Variants in FUT8 observed in about 807,000 individuals in gnomAD.
The protein encoded by FUT8 is fucosyltransferase 8, also known as alpha-(1,6)-fucosyltransferase.
A neutral mutation model predicts 71.3 loss-of-function variants in FUT8; 29 were observed. That is an observed-to-expected ratio of 0.41 (90% CI 0.30 to 0.55). The LOEUF (loss-of-function observed/expected upper bound fraction) is 0.55, where lower values mean the gene tolerates loss of function less well. FUT8 is among the 20% of genes least tolerant of loss of function. The pLI is 0.34. For synonymous variants in FUT8, 254 were observed against 239.3 expected (o/e 1.06, Z -0.57); for missense variants, 544 against 702.1 (o/e 0.77, Z 2.55).
chr14:65,618,031 A>ATG (rs1889384613), intron 5 of FUT8, among the ~76,000 whole-genome samples: 3 of 90,396 alleles, frequency 3.3e-5, no homozygotes, highest in African/African-American at 1.3e-4. Flanking sequence ...ATATATATAT[A>ATG]TATATATATA....
At position 65,633,821 on chromosome 14, in the gene FUT8, C is replaced by T. The variant is rs561205423; in HGVS notation, c.597+4215C>T. On this transcript the variant is annotated intron_variant, in intron 6 of 10. Transcript: ENST00000673929. ...CTGAGAAGTGAGGAGCGTCTCCGCC[C>T]GGCAGCCACCCTGTCCGGGAGGGAG... Among the ~76,000 whole-genome samples the T allele has an allele frequency of 1.5e-4, 23 of 152,062 alleles. No homozygotes were observed. The East Asian group carries it at 2.7e-3, about 18-fold the overall frequency.
intron 3 of FUT8, among the ~76,000 whole-genome samples, chr14:65,564,099 G>A (rs764820755): frequency 6.6e-6 from 1 of 151,998 alleles, no homozygotes; most frequent in Admixed American, 6.6e-5. Flanking sequence ...AAGGGATGTC[G>A]TTTTAGAGCC....
intron 9 of FUT8, among the ~76,000 whole-genome samples, chr14:65,726,579 G>A (rs549247750): frequency 9.2e-5 from 14 of 152,220 alleles, no homozygotes; most frequent in African/African-American, 3.1e-4. Flanking sequence ...ATTTGCCCCC[G>A]TGATTCAATT....
chr14:65,577,386 C>T (rs1555372673), intron 3 of FUT8, among the ~76,000 whole-genome samples: 2 of 152,070 alleles, frequency 1.3e-5, no homozygotes, highest in Non-Finnish European at 2.9e-5. Context: ...CGACCACTTA[C>T]TAACTTAGTG....
intron 3 of FUT8, among the ~76,000 whole-genome samples, chr14:65,591,068 ACTACTTTG>A (rs1398822698): frequency 1.3e-5 from 2 of 152,200 alleles, no homozygotes; most frequent in Non-Finnish European, 2.9e-5. Flanking sequence ...GAAAACAGAA[ACTACTTTG>A]TCGACATTTT....
intron 9 of FUT8, among the ~76,000 whole-genome samples, chr14:65,729,809 G>T (rs768536133): frequency 6.6e-6 from 1 of 152,144 alleles, no homozygotes; most frequent in Non-Finnish European, 1.5e-5. Flanking sequence ...CCTCCTTGTA[G>T]CCAACAGCTA....
intron 7 of FUT8, among the ~76,000 whole-genome samples, chr14:65,677,114 T>TTTTGTGTGTGTG (rs561803042): frequency 2.7e-5 from 3 of 110,216 alleles, no homozygotes; most frequent in African/African-American, 9.9e-5. Flanking sequence ...AAAGACATAT[T>TTTTGTGTGTGTG]TGTGTGTGTG....
chr14:65,414,689 G>C (rs1019895511), intron 1 of FUT8, among the ~76,000 whole-genome samples: 1 of 152,148 alleles, frequency 6.6e-6, no homozygotes. Context: ...TATAAGACAC[G>C]TACAAAGGTA....
intron 7 of FUT8, among the ~76,000 whole-genome samples, chr14:65,692,028 G>A (rs1275089774): frequency 1.3e-5 from 2 of 151,964 alleles, no homozygotes; most frequent in African/African-American, 2.4e-5. Context: ...GCAACCATCC[G>A]ATTTCTCAAT....
intron 1 of FUT8, among the ~76,000 whole-genome samples, chr14:65,441,471 T>C (rs544886076): frequency 4.1e-4 from 63 of 152,264 alleles, no homozygotes; most frequent in Admixed American, 1.6e-3. Flanking sequence ...CTGGGCATGG[T>C]AGTTTACACC....
intron 1 of FUT8, among the ~76,000 whole-genome samples, chr14:65,441,846 C>T (rs1027307513): frequency 6.0e-5 from 9 of 149,264 alleles, no homozygotes; most frequent in African/African-American, 2.2e-4. Flanking sequence ...ATGTGCACAA[C>T]GCGCAGGTTT....
chr14:65,412,552 C>T (rs1410433680), upstream of FUT8: 4 of 351,522 alleles, frequency 1.1e-5, no homozygotes, highest in African/African-American at 4.3e-5. Context: ...ACTGTGCCGT[C>T]CCGCTGTGGC....
intron 3 of FUT8, among the ~76,000 whole-genome samples, chr14:65,586,623 A>G (rs532673452): frequency 1.3e-5 from 2 of 152,358 alleles, no homozygotes; most frequent in African/African-American, 4.8e-5. Flanking sequence ...TTCTGTTAAT[A>G]ACATCTAAAA....
intron 2 of FUT8, among the ~76,000 whole-genome samples, chr14:65,479,193 CA>C (rs1460699556): frequency 1.3e-5 from 2 of 152,164 alleles, no homozygotes; most frequent in Non-Finnish European, 2.9e-5. Flanking sequence ...GAAAAAACTA[CA>C]GATGTCTATG....
rs561091893 is a variant in FUT8 at position 65,563,439 on chromosome 14, G to GT, written c.203+1674dup. On this transcript the variant is annotated intron_variant, in intron 3 of 10. Transcript: ENST00000673929. Reference sequence around the variant, plus strand: ...CTGAAGGTCACACTTTTCACAAGTGGTAGAGCCTACTTTGAATCCCAGTAG... The same window carrying GT: ...CTGAAGGTCACACTTTTCACAAGTGGTTAGAGCCTACTTTGAATCCCAGTAG... Among the ~76,000 whole-genome samples, 5 of 152,024 alleles carry GT rather than the reference G, an allele frequency of 3.3e-5. No homozygotes were observed. The South Asian group carries it at 1.0e-3, about 32-fold the overall frequency.
chr14:65,637,140 T>A lies in FUT8; in HGVS notation c.597+7534T>A, dbSNP rs117365132. Among the ~76,000 whole-genome samples, 875 of 152,358 alleles carry A rather than the reference T, an allele frequency of 5.7e-3. 30 individuals are homozygous for A. The East Asian group carries it at 0.093, about 16-fold the overall frequency. ...ATAACATTGAGAAAATGCTATTGTT[T>A]CTATTTCTGTAGTTTCTGATGAAGT... On this transcript the variant is annotated intron_variant, in intron 6 of 10. Coordinates refer to ENST00000673929, the MANE Select transcript of FUT8 (RefSeq NM_001371533.1).
rs146570011 is a variant in FUT8 at position 65,641,039 on chromosome 14, A to G, written c.597+11433A>G. Among the ~76,000 whole-genome samples, 66 of 152,246 alleles carry G rather than the reference A, an allele frequency of 4.3e-4. No homozygotes were observed. The East Asian group carries it at 7.3e-3, about 17-fold the overall frequency. On this transcript the variant is annotated intron_variant, in intron 6 of 10. Coordinates refer to ENST00000673929, the MANE Select transcript of FUT8 (RefSeq NM_001371533.1). Reference sequence around the variant, plus strand: ...TTGAGATATAGTTGACACAAAATAAACGGCACATATTTAGAGTATACAATT... The same window carrying G: ...TTGAGATATAGTTGACACAAAATAAGCGGCACATATTTAGAGTATACAATT...
At chr14:65,739,955 G>A (rs1378567207) in intron 10 of FUT8, among the ~76,000 whole-genome samples, 1 of 152,026 alleles carries the variant, frequency 6.6e-6, no homozygotes, top group African/African-American at 2.4e-5. Flanking sequence ...CTGACAGTTA[G>A]CAAAAGCTCA....
At chr14:65,557,420 C>A (rs1240824050) in intron 2 of FUT8, among the ~76,000 whole-genome samples, 2 of 151,166 alleles carry the variant, frequency 1.3e-5, no homozygotes, top group Non-Finnish European at 3.0e-5. Context: ...GCAACCTCCA[C>A]CTTCCAGGTT....
Sources: gnomAD v4.1 joint callset for allele counts (sites outside exome capture counted in the v4.1 genomes callset) on GRCh38, gnomAD v4.1.1 for gene constraint, MANE v1.5 for transcripts, NCBI Gene and HGNC (gene_info 2026-07-23, HGNC 2026-07-21) for gene names.